FAM13C: variants seen among roughly 807,000 people sequenced by gnomAD.
FAM13C encodes protein FAM13C.
Under a neutral mutation model 73.2 loss-of-function variants are expected in FAM13C, and 37 were observed. The observed-to-expected ratio is 0.51, with a 90% CI of 0.39 to 0.67. The LOEUF is 0.67. Among genes scored for constraint, FAM13C ranks in the 30% least tolerant of loss-of-function variants. The probability of loss-of-function intolerance (pLI) is 0.00; values close to 1 mark genes in which losing one functional copy is unlikely to be tolerated. For missense variants in FAM13C, 589 were observed against 715.6 expected (o/e 0.82, Z 2.02); for synonymous variants, 246 against 260.9 (o/e 0.94, Z 0.55).
chr10:59,360,108 C>T (rs1454698261), intron 1 of FAM13C, among the ~76,000 whole-genome samples: 1 of 152,196 alleles, frequency 6.6e-6, no homozygotes, highest in African/African-American at 2.4e-5. Flanking sequence ...CCTTGAGTCC[C>T]TCCCAATTTC....
chr10:59,299,118 T>C (rs1847263645), intron 5 of FAM13C, among the ~76,000 whole-genome samples: 1 of 152,152 alleles, frequency 6.6e-6, no homozygotes, highest in Admixed American at 6.5e-5. Flanking sequence ...ATTTTAAATG[T>C]TCTCATCACA....
At chr10:59,360,840 C>T (rs917223745) in intron 1 of FAM13C, among the ~76,000 whole-genome samples, 51 of 135,780 alleles carry the variant, frequency 3.8e-4, no homozygotes, top group African/African-American at 1.3e-3. Context: ...CATTTAACCA[C>T]GAAACCTCTA....
At chr10:59,307,573 T>G (rs2133902526) in intron 4 of FAM13C, among the ~76,000 whole-genome samples, 1 of 152,316 alleles carries the variant, frequency 6.6e-6, no homozygotes, top group South Asian at 2.1e-4. Flanking sequence ...CAAATATTTT[T>G]TAAACACCAA....
chr10:59,281,363 C>T (rs962950013), intron 6 of FAM13C, among the ~76,000 whole-genome samples: 1 of 152,158 alleles, frequency 6.6e-6, no homozygotes, highest in South Asian at 2.1e-4. Flanking sequence ...TGAGACCAAA[C>T]CATCCCATAA....
intron 13 of FAM13C, among the ~76,000 whole-genome samples, chr10:59,250,909 T>C (rs1476251354): frequency 6.6e-6 from 1 of 152,192 alleles, no homozygotes; most frequent in Admixed American, 6.6e-5. Flanking sequence ...AGGTTCAAGA[T>C]AGCTAAGCAA....
chr10:59,317,824 A>G (rs1418999104), intron 4 of FAM13C, among the ~76,000 whole-genome samples: 3 of 151,900 alleles, frequency 2.0e-5, no homozygotes, highest in Non-Finnish European at 4.4e-5. Flanking sequence ...TACATGTGCC[A>G]TGCTGGTGTG....
At chr10:59,361,906 G>T (rs376408577) in intron 1 of FAM13C, among the ~76,000 whole-genome samples, 1 of 152,024 alleles carries the variant, frequency 6.6e-6, no homozygotes, top group Non-Finnish European at 1.5e-5. Context: ...ACATGACAAA[G>T]GGCATGCACA....
At chr10:59,272,505 T>G (rs1187925138) in intron 6 of FAM13C, among the ~76,000 whole-genome samples, 2 of 152,204 alleles carry the variant, frequency 1.3e-5, no homozygotes, top group African/African-American at 4.8e-5. Context: ...TTCCAGACCC[T>G]GCTTCCCAGT....
chr10:59,257,666 A>G (rs190771584), intron 10 of FAM13C, among the ~76,000 whole-genome samples: 11 of 152,342 alleles, frequency 7.2e-5, no homozygotes, highest in African/African-American at 2.6e-4. Context: ...TATGCAGGCA[A>G]GTCTGACCAT....
chr10:59,352,060 T>C (rs1275439844), intron 3 of FAM13C, among the ~76,000 whole-genome samples: 1 of 151,976 alleles, frequency 6.6e-6, no homozygotes, highest in Non-Finnish European at 1.5e-5. Context: ...AAGAACACGT[T>C]TTAAGGGGCA....
chr10:59,344,528 C>T (rs562274036), intron 3 of FAM13C, among the ~76,000 whole-genome samples: 1 of 152,040 alleles, frequency 6.6e-6, no homozygotes, highest in East Asian at 1.9e-4. Flanking sequence ...GTGATCCGCC[C>T]GTCTCAGCCT....
At chr10:59,344,196 TCG>T (rs1853931454) in intron 3 of FAM13C, among the ~76,000 whole-genome samples, 1 of 151,608 alleles carries the variant, frequency 6.6e-6, no homozygotes, top group Admixed American at 6.6e-5. Flanking sequence ...TTTCCTGACC[TCG>T]CGATCCGCCC....
intron 5 of FAM13C, among the ~76,000 whole-genome samples, chr10:59,296,342 C>T (rs750820653): frequency 3.2e-4 from 48 of 152,252 alleles, no homozygotes; most frequent in Admixed American, 7.8e-4. Flanking sequence ...TGCATGTGTG[C>T]AAATTGTCCT....
At chr10:59,359,945 G>A (rs1016106273) in intron 1 of FAM13C, among the ~76,000 whole-genome samples, 2 of 152,204 alleles carry the variant, frequency 1.3e-5, no homozygotes, top group Non-Finnish European at 2.9e-5. Context: ...ATTGACCATG[G>A]AAAAATATTA....
intron 3 of FAM13C, among the ~76,000 whole-genome samples, chr10:59,339,597 C>A (rs1853221640): frequency 6.6e-6 from 1 of 152,122 alleles, no homozygotes; most frequent in Non-Finnish European, 1.5e-5. Context: ...TCACTCATGT[C>A]TTTACTCCCC....
intron 4 of FAM13C, among the ~76,000 whole-genome samples, chr10:59,305,871 A>G (rs750204155): frequency 6.6e-6 from 1 of 152,220 alleles, no homozygotes; most frequent in African/African-American, 2.4e-5. Flanking sequence ...TCTAATATCC[A>G]TCAATCCCCT....
At chr10:59,267,941 G>T (rs1843246944) in intron 8 of FAM13C, among the ~76,000 whole-genome samples, 4 of 152,210 alleles carry the variant, frequency 2.6e-5, no homozygotes, top group African/African-American at 9.6e-5. Flanking sequence ...TGACCCTATT[G>T]TTTCTTACAT....
At chr10:59,278,081 AGAG>A (rs1312254762) in intron 6 of FAM13C, among the ~76,000 whole-genome samples, 3 of 152,194 alleles carry the variant, frequency 2.0e-5, no homozygotes, top group African/African-American at 7.2e-5. Flanking sequence ...GTGGCAGACA[AGAG>A]AAGAGAGCTT....
intron 11 of FAM13C, among the ~76,000 whole-genome samples, chr10:59,253,244 T>C (rs1232677152): frequency 6.6e-6 from 1 of 152,206 alleles, no homozygotes; most frequent in Non-Finnish European, 1.5e-5. Context: ...AGTTCATCTG[T>C]GTCTTCTGGG....
Sources: gnomAD v4.1 joint callset for allele counts (sites outside exome capture counted in the v4.1 genomes callset) on GRCh38, gnomAD v4.1.1 for gene constraint, MANE v1.5 for transcripts, NCBI Gene and HGNC (gene_info 2026-07-23, HGNC 2026-07-21) for gene names.